The following EHBP1 variants were observed in gnomAD, a reference collection of about 807,000 sequenced individuals.
EHBP1 encodes EH domain binding protein 1.
EHBP1 carries 55 observed loss-of-function variants against 144.0 expected under a neutral mutation model. The observed-to-expected ratio is 0.38, with a 90% CI of 0.31 to 0.48. The LOEUF (loss-of-function observed/expected upper bound fraction) is 0.48. Ranked by LOEUF, EHBP1 falls within the 20% of genes least tolerant of loss-of-function variation. The pLI, the probability that EHBP1 is intolerant of heterozygous loss-of-function variation, is 0.98. For missense variants in EHBP1, 1,200 were observed against 1,364.2 expected (o/e 0.88, Z 1.90); for synonymous variants, 469 against 472.7 (o/e 0.99, Z 0.10).
At chr2:62,828,077 T>C (rs541767131) in intron 6 of EHBP1, among the ~76,000 whole-genome samples, 2 of 152,236 alleles carry the variant, frequency 1.3e-5, no homozygotes, top group Non-Finnish European at 2.9e-5. Context: ...ATGCAAACTT[T>C]GTGTCACTAA....
In EHBP1 at chr2:62,962,199, G is replaced by A. The variant is rs903189594; in HGVS notation, c.2460+6539G>A. 2.6e-5 allele frequency among the ~76,000 whole-genome samples: 4 copies of A among 152,058 alleles called. No individual in the cohort carries two copies. In the South Asian group the frequency reaches 6.2e-4, roughly 24 times the overall value. ...AAATTACCCAGGCACGGTGGCTCACGCCTCTAGTCCCAGCTACTCGGGAGG... is the reference window on the plus strand; with the variant it reads ...AAATTACCCAGGCACGGTGGCTCACACCTCTAGTCCCAGCTACTCGGGAGG... On this transcript the variant is annotated intron_variant, in intron 14 of 22. Coordinates refer to ENST00000431489, the MANE Select transcript of EHBP1 (RefSeq NM_001142616.3).
intron 1 of EHBP1, among the ~76,000 whole-genome samples, chr2:62,690,057 T>A (rs2033851049): frequency 6.6e-6 from 1 of 152,172 alleles, no homozygotes; most frequent in African/African-American, 2.4e-5. Flanking sequence ...TCTATAATAG[T>A]TGAAGTTTCA....
At chr2:62,946,054 T>G (rs2057047547) in intron 12 of EHBP1, among the ~76,000 whole-genome samples, 1 of 152,236 alleles carries the variant, frequency 6.6e-6, no homozygotes. Context: ...TACCTCCATT[T>G]TCTTACATTT....
rs1336379890 is a variant in EHBP1 at position 63,045,974 on chromosome 2, C to CT, written c.*475dup. ...GGTCCTGCCACATGTAACACTTACT[C>CT]TGTTACCTAAATTTTATAGTTAGAT... On this transcript the variant is annotated 3_prime_UTR_variant, in exon 23 of 23. Coordinates refer to ENST00000431489, the MANE Select transcript of EHBP1 (RefSeq NM_001142616.3). This position sits in a 1 kb window ranked among gnomAD's most constrained non-coding sequence, Gnocchi z 5.7. 3.8e-5 allele frequency: 6 copies of CT among 155,998 alleles called. No individual in the cohort carries two copies. The highest frequency in any genetic ancestry group is 3.8e-4 in the Admixed American group (6 of 15,872). The allele number at this position is 155,998 out of a possible 1,614,324, so 9.7% of individuals were successfully genotyped here. A position where few individuals can be genotyped will look rare whatever the true frequency, so the allele number is the denominator to read the frequency against.
At chr2:62,979,584 A>C (rs2058869976) in intron 15 of EHBP1, among the ~76,000 whole-genome samples, 1 of 152,214 alleles carries the variant, frequency 6.6e-6, no homozygotes, top group South Asian at 2.1e-4. Flanking sequence ...TTTTGTAAAA[A>C]ACTCATACCT....
intron 2 of EHBP1, among the ~76,000 whole-genome samples, chr2:62,743,760 G>T (rs892003712): frequency 1.3e-5 from 2 of 152,076 alleles, no homozygotes; most frequent in African/African-American, 4.8e-5. Context: ...TGGTGAAGAG[G>T]AGGGCATGCC....
chr2:62,881,418 GAAAAAA>G (rs371288881), intron 10 of EHBP1, among the ~76,000 whole-genome samples: 1 of 69,778 alleles, frequency 1.4e-5, no homozygotes, highest in Non-Finnish European at 2.7e-5. Flanking sequence ...AGGAAAAACG[GAAAAAA>G]AAAAAAAAAA....
At chr2:62,889,121 TG>T (rs2052215055) in intron 10 of EHBP1, among the ~76,000 whole-genome samples, 1 of 117,734 alleles carries the variant, frequency 8.5e-6, no homozygotes, top group Non-Finnish European at 1.6e-5. Context: ...TGGAGTGCAG[TG>T]GGGCAATCTC....
intron 7 of EHBP1, among the ~76,000 whole-genome samples, chr2:62,840,647 AAAAC>A (rs1191898928): frequency 7.9e-5 from 12 of 152,034 alleles, no homozygotes; most frequent in South Asian, 2.1e-4. Context: ...TTACAAGAAA[AAAAC>A]AAACAACCCC....
intron 10 of EHBP1, among the ~76,000 whole-genome samples, chr2:62,891,875 C>A (rs2152917015): frequency 1.3e-5 from 2 of 152,104 alleles, no homozygotes; most frequent in Middle Eastern, 6.8e-3. Context: ...GCTGGATAAA[C>A]CTCTCTAATA....
intron 7 of EHBP1, chr2:62,858,420 T>A: frequency 6.2e-7 from 1 of 1,602,032 alleles, no homozygotes; most frequent in Non-Finnish European, 8.5e-7. Context: ...TGTAAACCAG[T>A]TGAATGCTCT....
rs567520027 is a variant in EHBP1, at chr2:62,966,457, A to T, written c.2460+10797A>T. Reference sequence around the variant, plus strand: ...TTTTATACATTTTAAATGTATATGCATCTCCATTACTTTATACCTTTTCCC... The same window carrying T: ...TTTTATACATTTTAAATGTATATGCTTCTCCATTACTTTATACCTTTTCCC... On this transcript the variant is annotated intron_variant, in intron 14 of 22. Transcript: ENST00000431489. 1.9e-4 allele frequency among the ~76,000 whole-genome samples: 29 copies of T among 152,280 alleles called. No individual in the cohort carries two copies. The South Asian group carries it at 5.2e-3, about 27-fold the overall frequency.
intron 10 of EHBP1, among the ~76,000 whole-genome samples, chr2:62,915,756 C>T (rs928058868): frequency 6.6e-6 from 1 of 151,960 alleles, no homozygotes; most frequent in African/African-American, 2.4e-5. Context: ...TTTGATTAGG[C>T]ATACAGGATA....
chr2:62,759,050 A>C (rs1477653181), intron 3 of EHBP1, among the ~76,000 whole-genome samples: 1 of 152,192 alleles, frequency 6.6e-6, no homozygotes, highest in East Asian at 1.9e-4. Context: ...TTAGGTAAGA[A>C]TATGACATGA....
chr2:62,763,435 A>G (rs1027416454), intron 3 of EHBP1, among the ~76,000 whole-genome samples: 1 of 152,218 alleles, frequency 6.6e-6, no homozygotes, highest in East Asian at 1.9e-4. Flanking sequence ...TAAGGTTCTT[A>G]TGTAGATTAA....
chr2:62,689,285 A>T (rs2151743538), intron 1 of EHBP1, among the ~76,000 whole-genome samples: 1 of 152,344 alleles, frequency 6.6e-6, no homozygotes, highest in South Asian at 2.1e-4. Context: ...TGACAGAAAT[A>T]AAAGGAGGCT....
At chr2:62,810,165 G>A (rs1221435190) in intron 5 of EHBP1, among the ~76,000 whole-genome samples, 1 of 152,184 alleles carries the variant, frequency 6.6e-6, no homozygotes. Flanking sequence ...AGTTGGTAAA[G>A]TTTTAAGGGA....
chr2:62,702,248 A>G (rs1456905716), upstream of EHBP1, among the ~76,000 whole-genome samples: 3 of 152,234 alleles, frequency 2.0e-5, no homozygotes, highest in Non-Finnish European at 4.4e-5. Flanking sequence ...GATGATATTT[A>G]AAGGCAAATT....
chr2:62,971,328 T>C (rs1201683538), intron 14 of EHBP1, among the ~76,000 whole-genome samples: 3 of 152,174 alleles, frequency 2.0e-5, no homozygotes, highest in Non-Finnish European at 4.4e-5. Flanking sequence ...TCTAAAGGCT[T>C]ATAATTTAAG....
Sources: allele counts gnomAD v4.1 joint callset (sites outside exome capture counted in the v4.1 genomes callset), GRCh38; gene constraint gnomAD v4.1.1; non-coding constraint Gnocchi (gnomAD v3.1); transcripts MANE v1.5; gene names NCBI Gene and HGNC (gene_info 2026-07-23, HGNC 2026-07-21).